The following CNOT10 variants were observed in gnomAD, a reference collection of about 807,000 sequenced individuals.
The protein encoded by CNOT10 is CCR4-NOT transcription complex, subunit 10.
CNOT10 carries 30 observed loss-of-function variants against 94.6 expected under a neutral mutation model. The observed-to-expected ratio is 0.32, with a 90% confidence interval of 0.24 to 0.43. The LOEUF (loss-of-function observed/expected upper bound fraction) is 0.43, where lower values mean the gene tolerates loss of function less well. Ranked by LOEUF, CNOT10 falls within the 20% of genes least tolerant of loss-of-function variation. CNOT10 has a pLI of 1.00. For synonymous variants in CNOT10, 289 were observed against 301.6 expected (o/e 0.96, Z 0.43); for missense variants, 759 against 877.2 (o/e 0.87, Z 1.70).
chr3:32,721,958 A>G (rs902399709), intron 8 of CNOT10, among the ~76,000 whole-genome samples: 1 of 147,970 alleles, frequency 6.8e-6, no homozygotes, highest in African/African-American at 2.5e-5. Context: ...GGCCTATTAC[A>G]TATTCTTGCC....
At chr3:32,716,513 C>T (rs1176079077) in intron 6 of CNOT10, among the ~76,000 whole-genome samples, 1 of 152,104 alleles carries the variant, frequency 6.6e-6, no homozygotes, top group Non-Finnish European at 1.5e-5. Flanking sequence ...ATTTAAATTG[C>T]TCTATAAATA....
intron 1 of CNOT10, among the ~76,000 whole-genome samples, chr3:32,687,442 T>TTTTGTTTTG (rs1696658231): frequency 1.2e-5 from 1 of 83,846 alleles, no homozygotes; most frequent in South Asian, 4.5e-4. Context: ...CCTCACGGTT[T>TTTTGTTTTG]TTTTTTTTTG....
chr3:32,721,887 C>T (rs1438839008), intron 8 of CNOT10, among the ~76,000 whole-genome samples: 3 of 151,638 alleles, frequency 2.0e-5, no homozygotes, highest in Non-Finnish European at 4.4e-5. Flanking sequence ...CTCCTGACCT[C>T]GTGATCCGCC....
intron 5 of CNOT10, among the ~76,000 whole-genome samples, chr3:32,715,787 C>G (rs1228916271): frequency 2.0e-5 from 3 of 152,170 alleles, no homozygotes; most frequent in Non-Finnish European, 4.4e-5. Context: ...ACCTCAGTCT[C>G]TAGGAGTGGG....
At chr3:32,754,854 G>T (rs750616455) in intron 13 of CNOT10, among the ~76,000 whole-genome samples, 3 of 150,260 alleles carry the variant, frequency 2.0e-5, no homozygotes, top group Non-Finnish European at 4.4e-5. Flanking sequence ...AGCTACTCTG[G>T]GCATACTGCC....
At chr3:32,760,714 C>T (rs752364380) in intron 14 of CNOT10, among the ~76,000 whole-genome samples, 6 of 152,138 alleles carry the variant, frequency 3.9e-5, no homozygotes, top group African/African-American at 7.2e-5. Context: ...GTATTCTGCA[C>T]AACATTAGAA....
rs578231688 is a variant in CNOT10 at position 32,749,356 on chromosome 3, A to T, written c.1596-10102A>T. 9.9e-5 allele frequency among the ~76,000 whole-genome samples: 15 copies of T among 151,390 alleles called. No individual in the cohort carries two copies. In the South Asian group the frequency reaches 3.1e-3, roughly 32 times the overall value. On this transcript the variant is annotated intron_variant, in intron 13 of 18. Coordinates refer to ENST00000328834, the MANE Select transcript of CNOT10 (RefSeq NM_015442.3). ...GGATTTACCATGTCTTCCTATAAGA[A>T]TTCTAAGTTTTAGCACTTACATTTA...
chr3:32,695,774 A>G (rs1697022316), intron 1 of CNOT10: 40 of 1,535,804 alleles, frequency 2.6e-5, no homozygotes, highest in Non-Finnish European at 3.3e-5. Context: ...GGCAACGGAG[A>G]CTACTTTTGG....
intron 4 of CNOT10, 143 bp from the exon 5 acceptor site, chr3:32,713,084 G>A (rs1251160853): frequency 1.6e-5 from 9 of 558,098 alleles, no homozygotes; most frequent in Admixed American, 1.1e-4. Context: ...GCTTTCATTC[G>A]TGGCTCTAGG....
Position 32,707,446 on chromosome 3 carries a change from G to T in CNOT10, c.280-1224G>T, listed in dbSNP as rs988095397. 3.9e-5 allele frequency among the ~76,000 whole-genome samples: 6 copies of T among 152,144 alleles called. No homozygotes were observed. The East Asian group carries it at 1.2e-3, about 29-fold the overall frequency. ...TGAAAATATACTTTCTAGCCCTATG[G>T]CCTTGGGCAAGATAATTAAGTTTTC... On this transcript the variant is annotated intron_variant, in intron 3 of 18. Transcript: ENST00000328834.
intron 14 of CNOT10, among the ~76,000 whole-genome samples, chr3:32,761,996 TC>T (rs1181016711): frequency 1.3e-4 from 19 of 150,724 alleles, no homozygotes; most frequent in African/African-American, 4.6e-4. Context: ...GGTCTCGAAC[TC>T]CCGACCTCAG....
intron 18 of CNOT10, among the ~76,000 whole-genome samples, chr3:32,771,488 T>C (rs1470009402): frequency 6.6e-6 from 1 of 151,800 alleles, no homozygotes; most frequent in Non-Finnish European, 1.5e-5. Context: ...GTAATCCAGG[T>C]ACTTAGGAGG....
chr3:32,727,894 T>C (rs1340259378), intron 10 of CNOT10, 24 bp downstream of exon 10: 1 of 1,584,722 alleles, frequency 6.3e-7, no homozygotes, highest in East Asian at 2.2e-5. Flanking sequence ...GGGTATCTTT[T>C]TAAACCCTGT....
chr3:32,685,613 C>T, intron 1 of CNOT10, 131 bp downstream of exon 1: 1 of 977,296 alleles, frequency 1.0e-6, no homozygotes, highest in Non-Finnish European at 1.5e-6. Context: ...TTTCTTTACC[C>T]CATCCTCTGT....
chr3:32,699,068 G>A (rs1273785403), intron 1 of CNOT10, among the ~76,000 whole-genome samples: 1 of 152,194 alleles, frequency 6.6e-6, no homozygotes, highest in African/African-American at 2.4e-5. Context: ...CTACAGGTGT[G>A]AGCCACCACA....
chr3:32,738,222 G>C (rs561477640), intron 13 of CNOT10, among the ~76,000 whole-genome samples: 1 of 151,970 alleles, frequency 6.6e-6, no homozygotes, highest in South Asian at 2.1e-4. Context: ...ATAACTATTG[G>C]GTACTAGGCT....
intron 17 of CNOT10, chr3:32,769,281 A>G: frequency 6.6e-6 from 1 of 152,666 alleles, no homozygotes; most frequent in Non-Finnish European, 1.5e-5. Flanking sequence ...ATAAACCTGT[A>G]ATTTCAGCAC....
chr3:32,745,433 A>G (rs996510690), intron 13 of CNOT10, among the ~76,000 whole-genome samples: 1 of 149,748 alleles, frequency 6.7e-6, no homozygotes, highest in Non-Finnish European at 1.5e-5. Context: ...GAACCACTCA[A>G]TGCTGTATGA....
chr3:32,706,235 T>C (rs1424660200), intron 3 of CNOT10, among the ~76,000 whole-genome samples: 4 of 152,208 alleles, frequency 2.6e-5, no homozygotes, highest in Admixed American at 6.5e-5. Context: ...AAGATGATGC[T>C]TACTGATAAT....
Sources: allele counts gnomAD v4.1 joint callset (sites outside exome capture counted in the v4.1 genomes callset), GRCh38; gene constraint gnomAD v4.1.1; transcripts MANE v1.5; gene names NCBI Gene and HGNC (gene_info 2026-07-23, HGNC 2026-07-21).